Variants in RILPL2 observed in about 807,000 individuals in gnomAD.
The protein encoded by RILPL2 is Rab interacting lysosomal protein like 2.
In RILPL2, 19 loss-of-function variants were observed where a neutral mutation model predicts 22.2. That is an observed-to-expected ratio of 0.86 (90% CI 0.60 to 1.25). RILPL2 has a LOEUF of 1.25. RILPL2 is among the 50% of genes most tolerant of loss of function. The probability of loss-of-function intolerance (pLI) is 0.00; values close to 1 mark genes in which losing one functional copy is unlikely to be tolerated. For missense variants in RILPL2, 243 were observed against 263.6 expected (o/e 0.92, Z 0.54); for synonymous variants, 123 against 111.6 (o/e 1.10, Z -0.64).
At chr12:123,409,783 G>C in the RILPL2 span, among the ~76,000 whole-genome samples, 1 of 146,530 alleles carries the variant, frequency 6.8e-6, no homozygotes, top group East Asian at 2.0e-4. Context: ...TGGGAGTGCA[G>C]TGGCATGATC....
At chr12:123,425,622 G>T (rs1879423264) in intron 2 of RILPL2, among the ~76,000 whole-genome samples, 1 of 151,616 alleles carries the variant, frequency 6.6e-6, no homozygotes, top group Non-Finnish European at 1.5e-5. Flanking sequence ...CTTCATAAAA[G>T]AGTTTTGCAA....
At chr12:123,414,411 CG>C, downstream of RILPL2, 1 of 153,444 alleles carries the variant, frequency 6.5e-6, no homozygotes, top group Non-Finnish European at 1.5e-5. Context: ...GCTCCGAGTG[CG>C]GGGCCCACCA....
chr12:123,431,799 C>G (rs1879659028), intron 1 of RILPL2, among the ~76,000 whole-genome samples: 1 of 146,830 alleles, frequency 6.8e-6, no homozygotes, highest in Admixed American at 6.8e-5. Context: ...GCACTCCAGC[C>G]TGGGCGACAG....
At chr12:123,419,497 T>A (rs1437050212) in intron 3 of RILPL2, among the ~76,000 whole-genome samples, 1 of 152,062 alleles carries the variant, frequency 6.6e-6, no homozygotes, top group African/African-American at 2.4e-5. Context: ...AGAGGAATGG[T>A]CCCACGTGGG....
downstream of RILPL2, among the ~76,000 whole-genome samples, chr12:123,410,226 C>G (rs943756792): frequency 5.3e-5 from 8 of 152,130 alleles, no homozygotes; most frequent in Non-Finnish European, 1.2e-4. Context: ...ATTGTCATTG[C>G]GACTTATAAT....
At position 123,434,816 on chromosome 12, in the gene RILPL2, T is replaced by A. The variant is rs111904930; in HGVS notation, c.339+1266A>T. On this transcript the variant is annotated intron_variant, in intron 1 of 3. Transcript: ENST00000280571. The stretch of plus-strand genomic sequence containing the variant: ...AGCTCTCTATCAATTTCCCTTCTTT[T>A]CCCCCCACCACCAGTTTGCCTTCTA... Among the ~76,000 whole-genome samples, 1,219 of 151,922 alleles carry A rather than the reference T, an allele frequency of 8.0e-3. 15 individuals carry two copies. Among genetic ancestry groups the A allele is most frequent in the African/African-American group, 0.027 (1,119 of 41,464 alleles).
At chr12:123,430,382 C>T in intron 2 of RILPL2, 126 bp downstream of exon 2, 1 of 919,142 alleles carries the variant, frequency 1.1e-6, no homozygotes, top group Non-Finnish European at 1.5e-6. Flanking sequence ...GCACTCCAGC[C>T]TGGGCGACAG....
intron 1 of RILPL2, among the ~76,000 whole-genome samples, chr12:123,435,422 T>C (rs1707730): frequency 0.72 from 109,258 of 152,062 alleles, 39,909 homozygotes; most frequent in African/African-American, 0.85. Context: ...TGTGGTCATA[T>C]GCACTAATTT....
At chr12:123,412,498 T>C (rs1879000446), downstream of RILPL2, 1 of 152,168 alleles carries the variant, frequency 6.6e-6, no homozygotes, top group Non-Finnish European at 1.5e-5. Flanking sequence ...AATGATGCTG[T>C]TGAGACAGTG....
In RILPL2 at chr12:123,429,834, G is replaced by T. The variant is rs566789778; in HGVS notation, c.491+674C>A. On this transcript the variant is annotated intron_variant, in intron 2 of 3. Coordinates refer to ENST00000280571, the MANE Select transcript of RILPL2 (RefSeq NM_145058.3). ...TTCTCTTGATCAAAACTTTCCAATG[G>T]CCAGGTGTGGTGGCTCACACCTGTA... is the stretch of plus-strand genomic sequence containing the variant. Among the ~76,000 whole-genome samples the T allele has an allele frequency of 7.5e-4, 114 of 151,658 alleles. 1 individual carries two copies. Among genetic ancestry groups the T allele is most frequent in the African/African-American group, 2.5e-3 (105 of 41,398 alleles).
chr12:123,423,725 C>A (rs1371327812), intron 2 of RILPL2, among the ~76,000 whole-genome samples: 1 of 151,472 alleles, frequency 6.6e-6, no homozygotes, highest in African/African-American at 2.4e-5. Flanking sequence ...GCGATCTCGG[C>A]TCACTGCAAG....
intron 2 of RILPL2, among the ~76,000 whole-genome samples, chr12:123,430,182 G>A (rs1400456396): frequency 6.6e-6 from 1 of 150,840 alleles, no homozygotes; most frequent in Non-Finnish European, 1.5e-5. Flanking sequence ...GGCCAAGGTG[G>A]GCAGATCAGG....
At chr12:123,415,022 A>G (rs1358812687), downstream of RILPL2, 1 of 152,000 alleles carries the variant, frequency 6.6e-6, no homozygotes, top group African/African-American at 2.4e-5. Context: ...GATAATCCAC[A>G]GAGCAGGCGA....
At chr12:123,419,633 T>C (rs901230190) in intron 3 of RILPL2, among the ~76,000 whole-genome samples, 1 of 144,404 alleles carries the variant, frequency 6.9e-6, no homozygotes, top group African/African-American at 2.6e-5. Context: ...TGAGATGGAG[T>C]CTTGCTCTAT....
chr12:123,423,952 C>G (rs1879364362), intron 2 of RILPL2, among the ~76,000 whole-genome samples: 1 of 152,020 alleles, frequency 6.6e-6, no homozygotes, highest in South Asian at 2.1e-4. Context: ...CGTGCCTGAC[C>G]CTCTTGTTTC....
intron 1 of RILPL2, among the ~76,000 whole-genome samples, chr12:123,431,850 G>A (rs1879661882): frequency 1.3e-5 from 2 of 150,698 alleles, no homozygotes; most frequent in East Asian, 2.0e-4. Context: ...AATTTAAGAT[G>A]GTAAATTTTA....
intron 1 of RILPL2, among the ~76,000 whole-genome samples, chr12:123,435,419 A>G (rs1481915549): frequency 6.6e-6 from 1 of 152,080 alleles, no homozygotes; most frequent in African/African-American, 2.4e-5. Context: ...TTTTGTGGTC[A>G]TATGCACTAA....
chr12:123,430,350 A>G (rs936438718), intron 2 of RILPL2, among the ~76,000 whole-genome samples, 158 bp downstream of exon 2: 1 of 152,074 alleles, frequency 6.6e-6, no homozygotes, highest in Non-Finnish European at 1.5e-5. Context: ...CAGAGGTTGC[A>G]GTGAGCCGAG....
In RILPL2 at chr12:123,436,284, T is replaced by G; in HGVS notation, c.137A>C (p.Tyr46Ser). ...LTAEDVYDIS[Y>S]LLGRELMALG... ...GGCCATAAGCTCGCGGCCCAACAGG[T>G]AGGAGATGTCATACACGTCCTCGGC... The change falls in exon 1 of 4, where the codon TAC (tyrosine) becomes TCC (serine). Residue 46 changes from tyrosine to serine, a missense_variant. Coordinates refer to ENST00000280571, the MANE Select transcript of RILPL2 (RefSeq NM_145058.3). This position sits in a 1 kb window ranked among gnomAD's most constrained non-coding sequence, Gnocchi z 6.7. 6.2e-7 allele frequency: 1 copy of G among 1,605,992 alleles called. No homozygotes were observed. The highest frequency in any genetic ancestry group is 1.1e-5 in the South Asian group (1 of 89,666).
Sources: allele counts gnomAD v4.1 joint callset (sites outside exome capture counted in the v4.1 genomes callset), GRCh38; gene constraint gnomAD v4.1.1; non-coding constraint Gnocchi (gnomAD v3.1); transcripts MANE v1.5; gene names NCBI Gene and HGNC (gene_info 2026-07-23, HGNC 2026-07-21).